DLGAP1: variants seen among roughly 807,000 people sequenced by gnomAD.
The protein encoded by DLGAP1 is disks large-associated protein 1.
In DLGAP1, 11 loss-of-function variants were observed where a neutral mutation model predicts 90.8. The ratio of observed to expected loss-of-function variants is 0.12; its 90% confidence interval spans 0.08 to 0.20. The LOEUF (loss-of-function observed/expected upper bound fraction) is 0.20. Among genes scored for constraint, DLGAP1 ranks in the 10% least tolerant of loss-of-function variants. The pLI, the probability that DLGAP1 is intolerant of heterozygous loss-of-function variation, is 1.00. For missense variants in DLGAP1, 1,050 were observed against 1,333.8 expected (o/e 0.79, Z 3.31); for synonymous variants, 558 against 540.7 (o/e 1.03, Z -0.44).
intron 3 of DLGAP1, among the ~76,000 whole-genome samples, chr18:3,947,888 G>A (rs1044590001): frequency 6.6e-6 from 1 of 152,184 alleles, no homozygotes. Context: ...TGATTTTTGA[G>A]TGAGTTAAGA....
At chr18:3,931,066 G>C (rs951458619) in intron 3 of DLGAP1, among the ~76,000 whole-genome samples, 1 of 152,122 alleles carries the variant, frequency 6.6e-6, no homozygotes, top group African/African-American at 2.4e-5. Flanking sequence ...TGTAGTCACT[G>C]TGCCAAGCTT....
intron 7 of DLGAP1, among the ~76,000 whole-genome samples, chr18:3,601,439 GGT>G (rs112583120): frequency 4.3e-4 from 64 of 147,812 alleles, no homozygotes; most frequent in Admixed American, 6.1e-4. Flanking sequence ...CATATGCAAG[GGT>G]GTGTGTGTGT....
chr18:4,313,969 G>C (rs1048919329), intron 1 of DLGAP1, among the ~76,000 whole-genome samples: 5 of 152,150 alleles, frequency 3.3e-5, no homozygotes, highest in Admixed American at 6.5e-5. Context: ...TTTGCCATGG[G>C]GACAAGGATA....
At position 4,251,656 on chromosome 18, in the gene DLGAP1, T is replaced by C. The variant is rs571943975; in HGVS notation, c.-266-100369A>G. Among the ~76,000 whole-genome samples the C allele has an allele frequency of 5.9e-5, 9 of 152,304 alleles. No homozygotes were observed. In the South Asian group the frequency reaches 1.9e-3, roughly 32 times the overall value. ...ATTACAATCCCTGGTACAAATACAA[T>C]TGTATGTAACAGCCACTATTAAAAA... On this transcript the variant is annotated intron_variant, in intron 1 of 12. Transcript: ENST00000315677.
chr18:3,680,850 T>TC (rs1268198882), intron 7 of DLGAP1, among the ~76,000 whole-genome samples: 1 of 151,948 alleles, frequency 6.6e-6, no homozygotes, highest in Non-Finnish European at 1.5e-5. Context: ...GTAGTGTTTT[T>TC]CACAAACAAA....
At chr18:4,320,460 C>T (rs1343787786) in intron 1 of DLGAP1, among the ~76,000 whole-genome samples, 2 of 152,140 alleles carry the variant, frequency 1.3e-5, no homozygotes, top group African/African-American at 2.4e-5. Flanking sequence ...CTCTTTAACA[C>T]AGCCCCACAG....
At chr18:3,741,138 T>TCACCTCACCAC (rs2062962107) in intron 6 of DLGAP1, among the ~76,000 whole-genome samples, 2 of 33,596 alleles carry the variant, frequency 6.0e-5, no homozygotes, top group Non-Finnish European at 1.1e-4. Context: ...CACCACCACA[T>TCACCTCACCAC]CACCATCACC....
chr18:3,801,711 T>C (rs1031439285), intron 5 of DLGAP1, among the ~76,000 whole-genome samples: 1 of 151,884 alleles, frequency 6.6e-6, no homozygotes, highest in African/African-American at 2.4e-5. Flanking sequence ...TTTTGGGGGG[T>C]TAAAATTAGA....
At chr18:4,301,940 T>C (rs942248886) in intron 1 of DLGAP1, among the ~76,000 whole-genome samples, 1 of 152,234 alleles carries the variant, frequency 6.6e-6, no homozygotes, top group Non-Finnish European at 1.5e-5. Flanking sequence ...ATGACTTCTT[T>C]TGAGAAATGT....
intron 4 of DLGAP1, among the ~76,000 whole-genome samples, chr18:3,868,765 T>C (rs1218072472): frequency 2.6e-5 from 4 of 152,350 alleles, no homozygotes; most frequent in Non-Finnish European, 4.4e-5. Flanking sequence ...CAGAAGAAGT[T>C]TGAACTTCCG....
intron 7 of DLGAP1, among the ~76,000 whole-genome samples, chr18:3,640,455 T>G (rs2058896458): frequency 1.3e-5 from 2 of 152,222 alleles, no homozygotes; most frequent in African/African-American, 2.4e-5. Context: ...GCGGGCGCTC[T>G]CAGCTCAGGT....
chr18:4,304,821 C>T (rs2080209830), intron 1 of DLGAP1, among the ~76,000 whole-genome samples: 1 of 152,054 alleles, frequency 6.6e-6, no homozygotes, highest in East Asian at 2.0e-4. Context: ...ATCCCAGCTA[C>T]TTGGGAGGCT....
chr18:4,307,413 T>C (rs1040462925), intron 1 of DLGAP1, among the ~76,000 whole-genome samples: 2 of 152,184 alleles, frequency 1.3e-5, no homozygotes, highest in African/African-American at 4.8e-5. Flanking sequence ...TTGAAATGCA[T>C]TGATTTATTC....
chr18:4,135,809 C>CTTTTTTT (rs2076390695), intron 2 of DLGAP1, among the ~76,000 whole-genome samples: 18 of 90,876 alleles, frequency 2.0e-4, no homozygotes, highest in African/African-American at 7.7e-4. Flanking sequence ...TTTTTTTTTA[C>CTTTTTTT]GGCTGAATAG....
chr18:4,276,061 T>G (rs1598789316), intron 1 of DLGAP1, among the ~76,000 whole-genome samples: 2 of 148,114 alleles, frequency 1.4e-5, no homozygotes, highest in East Asian at 2.0e-4. Flanking sequence ...GGTATGAGGG[T>G]TCAGCCGGAA....
At chr18:4,036,960 C>T (rs112704488) in intron 2 of DLGAP1, among the ~76,000 whole-genome samples, 1 of 152,182 alleles carries the variant, frequency 6.6e-6, no homozygotes, top group South Asian at 2.1e-4. Flanking sequence ...ACTGCTTTTG[C>T]CTGACAAAAT....
At chr18:3,834,910 A>AT (rs2068281956) in intron 4 of DLGAP1, among the ~76,000 whole-genome samples, 1 of 152,256 alleles carries the variant, frequency 6.6e-6, no homozygotes, top group Non-Finnish European at 1.5e-5. Flanking sequence ...ATACAACTCC[A>AT]TTATGTACAC....
At chr18:4,112,663 C>T (rs550254864) in intron 2 of DLGAP1, among the ~76,000 whole-genome samples, 1 of 152,166 alleles carries the variant, frequency 6.6e-6, no homozygotes, top group East Asian at 1.9e-4. Flanking sequence ...AGGTTTGTTA[C>T]CTGGGAATAT....
At chr18:3,546,414 CAA>C (rs58897010) in intron 9 of DLGAP1, among the ~76,000 whole-genome samples, 9,617 of 122,360 alleles carry the variant, frequency 0.079, 298 homozygotes, top group Admixed American at 0.12. Context: ...AACCTTGTCT[CAA>C]AAAAAAAAAA....
Sources: gnomAD v4.1 joint callset for allele counts (sites outside exome capture counted in the v4.1 genomes callset) on GRCh38, gnomAD v4.1.1 for gene constraint, MANE v1.5 for transcripts, NCBI Gene and HGNC (gene_info 2026-07-23, HGNC 2026-07-21) for gene names.